CNOT4: variants seen among roughly 807,000 people sequenced by gnomAD.
CNOT4 encodes CCR4-associated factor 4.
In CNOT4, 8 loss-of-function variants were observed where a neutral mutation model predicts 73.8. That is an observed-to-expected ratio of 0.11 (90% CI 0.06 to 0.20). The LOEUF (loss-of-function observed/expected upper bound fraction) is 0.20, where lower values mean the gene tolerates loss of function less well. Ranked by LOEUF, CNOT4 falls within the 10% of genes least tolerant of loss-of-function variation. The pLI, the probability that CNOT4 is intolerant of heterozygous loss-of-function variation, is 1.00. For missense variants in CNOT4, 564 were observed against 883.4 expected, an observed-to-expected ratio of 0.64 and a Z score of 4.58; for synonymous variants, 293 against 321.1, an observed-to-expected ratio of 0.91 and a Z score of 0.94.
chr7:135,473,703 T>C (rs921823177), intron 1 of CNOT4, among the ~76,000 whole-genome samples: 1 of 152,088 alleles, frequency 6.6e-6, no homozygotes, highest in Non-Finnish European at 1.5e-5. Flanking sequence ...GCCGAGATCA[T>C]GCCACTGCAC....
intron 2 of CNOT4, among the ~76,000 whole-genome samples, chr7:135,432,483 A>C (rs1249042144): frequency 6.6e-6 from 1 of 152,068 alleles, no homozygotes; most frequent in Non-Finnish European, 1.5e-5. Context: ...GTCTCACAAG[A>C]CATTTCTCTT....
Position 135,415,195 on chromosome 7 carries a change from G to A in CNOT4, c.440C>T (p.Thr147Ile), listed in dbSNP as rs1394472396. The A allele has an allele frequency of 6.2e-7, 1 of 1,601,828 alleles. No homozygotes were observed. The highest frequency in any genetic ancestry group is 8.6e-7 in the Non-Finnish European group (1 of 1,169,176). The change falls in exon 4 of 12, where the codon ACA becomes ATA. Residue 147 changes from threonine to isoleucine, a missense_variant. By Grantham distance (89) the Thr-to-Ile change is moderately conservative (BLOSUM62 -1). Around this residue, in one of 10 missense-constraint regions of CNOT4, gnomAD observed 76 missense variants for 208.7 expected, o/e 0.36. Transcript: ENST00000541284. ...AGTTACCTGTGAGCCTGCATATGAT[G>A]TGCTATTATTGATGACAACTTTATG... ...KIHKVVINNS[T>I]SYAGSQGPSA...
chr7:135,388,123 A>C (rs1225357481), intron 10 of CNOT4: 40 of 984,630 alleles, frequency 4.1e-5, no homozygotes, highest in Non-Finnish European at 4.8e-5. Context: ...ATTAGAAAAG[A>C]GATTATATTG....
chr7:135,432,916 G>T (rs140063380), intron 2 of CNOT4, among the ~76,000 whole-genome samples: 2 of 152,144 alleles, frequency 1.3e-5, no homozygotes, highest in East Asian at 3.8e-4. Flanking sequence ...TTTTACATGC[G>T]ATCTGCTATT....
intron 1 of CNOT4, among the ~76,000 whole-genome samples, chr7:135,491,259 C>T (rs1803091272): frequency 6.6e-6 from 1 of 152,116 alleles, no homozygotes; most frequent in African/African-American, 2.4e-5. Flanking sequence ...GAAAAATATT[C>T]AAAGCCACCA....
At chr7:135,444,018 T>C (rs1799652961) in intron 1 of CNOT4, among the ~76,000 whole-genome samples, 1 of 151,876 alleles carries the variant, frequency 6.6e-6, no homozygotes, top group Non-Finnish European at 1.5e-5. Flanking sequence ...TGCACACCTG[T>C]AGTCTTAGCT....
chr7:135,369,963 T>C (rs1795108697), intron 10 of CNOT4, among the ~76,000 whole-genome samples: 1 of 152,224 alleles, frequency 6.6e-6, no homozygotes, highest in African/African-American at 2.4e-5. Context: ...ATAAGTGTAC[T>C]GTACATCAGG....
chr7:135,448,896 G>A (rs568566598), intron 1 of CNOT4, among the ~76,000 whole-genome samples: 1 of 151,878 alleles, frequency 6.6e-6, no homozygotes, highest in South Asian at 2.1e-4. Flanking sequence ...TAGAGATGAT[G>A]CAATCCAAAG....
chr7:135,414,467 T>A (rs1271938195), intron 4 of CNOT4, 35 bp from the exon 5 acceptor site: 1 of 915,526 alleles, frequency 1.1e-6, no homozygotes, highest in African/African-American at 1.7e-5. Context: ...CTGTTATTAG[T>A]TAAAAATTAA....
At chr7:135,461,083 T>G (rs766343060) in intron 1 of CNOT4, among the ~76,000 whole-genome samples, 1 of 152,202 alleles carries the variant, frequency 6.6e-6, no homozygotes, top group African/African-American at 2.4e-5. Context: ...TGCCAACACC[T>G]GGTTTAGATC....
chr7:135,466,131 CA>C (rs1801204484), intron 1 of CNOT4, among the ~76,000 whole-genome samples: 1 of 151,582 alleles, frequency 6.6e-6, no homozygotes, highest in Non-Finnish European at 1.5e-5. Context: ...TAAATATGTA[CA>C]ATGTGTGTTT....
intron 7 of CNOT4, among the ~76,000 whole-genome samples, chr7:135,409,488 C>T (rs2129484007): frequency 6.6e-6 from 1 of 152,106 alleles, no homozygotes; most frequent in South Asian, 2.1e-4. Flanking sequence ...AATCTTTACT[C>T]TTAAAATGAA....
intron 1 of CNOT4, among the ~76,000 whole-genome samples, chr7:135,500,416 C>T (rs1563086297): frequency 6.6e-6 from 1 of 151,972 alleles, no homozygotes; most frequent in Non-Finnish European, 1.5e-5. Flanking sequence ...CAGAAATACA[C>T]AACAGATCCA....
chr7:135,444,812 G>A (rs1381768333), intron 1 of CNOT4: 44 of 1,604,734 alleles, frequency 2.7e-5, no homozygotes, highest in Non-Finnish European at 3.4e-5. Flanking sequence ...GGGATGCCTC[G>A]CAGAAAGCTG....
At chr7:135,389,457 T>C (rs985585516) in intron 10 of CNOT4, among the ~76,000 whole-genome samples, 2 of 152,108 alleles carry the variant, frequency 1.3e-5, no homozygotes, top group African/African-American at 4.8e-5. Context: ...ATGTTAACAG[T>C]ACAATGATCC....
At chr7:135,409,575 A>G (rs1210521414) in intron 7 of CNOT4, among the ~76,000 whole-genome samples, 1 of 152,154 alleles carries the variant, frequency 6.6e-6, no homozygotes, top group Non-Finnish European at 1.5e-5. Context: ...AGTTATTATT[A>G]GCTATGTTTG....
chr7:135,472,476 CAAAAAAAAAAAAAAAAAAAAA>C (rs1156589739), intron 1 of CNOT4, among the ~76,000 whole-genome samples: 3 of 15,458 alleles, frequency 1.9e-4, no homozygotes, highest in African/African-American at 2.6e-4. Flanking sequence ...GACACCGACT[CAAAAAAAAAAAAAAAAAAAAA>C]AAAAAAAAAA....
At chr7:135,477,077 C>T (rs1802039351) in intron 1 of CNOT4, among the ~76,000 whole-genome samples, 1 of 152,172 alleles carries the variant, frequency 6.6e-6, no homozygotes, top group South Asian at 2.1e-4. Context: ...TGTTGTGGCT[C>T]ACGCCTGCTT....
rs116600428 is a variant in CNOT4 at position 135,387,955 on chromosome 7, A to G, written c.1627+5963T>C. On this transcript the variant is annotated intron_variant, in intron 10 of 11. Transcript: ENST00000541284. ...TAATTATTAAACAATGAAATTTCCAAAACAATATCCCACAGAATTACTGTT... is the reference window on the plus strand; with the variant it reads ...TAATTATTAAACAATGAAATTTCCAGAACAATATCCCACAGAATTACTGTT... 3,165 of 976,134 alleles carry G rather than the reference A, an allele frequency of 3.2e-3. 79 individuals are homozygous for G. In the African/African-American group the frequency reaches 0.051, roughly 16 times the overall value. 60.5% of individuals were successfully genotyped at this position (976,134 alleles called of 1,614,324 possible).
Sources: gnomAD v4.1 joint callset for allele counts (sites outside exome capture counted in the v4.1 genomes callset) on GRCh38, gnomAD v4.1.1 for gene constraint, gnomAD v4.1.1 regional missense constraint, MANE v1.5 for transcripts, NCBI Gene and HGNC (gene_info 2026-07-23, HGNC 2026-07-21) for gene names.